VMP1: variants seen among roughly 807,000 people sequenced by gnomAD.
The protein encoded by VMP1 is ectopic P-granules autophagy protein 3 homolog.
Under a neutral mutation model 56.0 loss-of-function variants are expected in VMP1, and 11 were observed. The ratio of observed to expected loss-of-function variants is 0.20; its 90% CI spans 0.12 to 0.32. The LOEUF is 0.32. VMP1 is among the 10% of genes least tolerant of loss of function. VMP1 has a pLI of 1.00. For missense variants in VMP1, 296 were observed against 490.3 expected (o/e 0.60, Z 3.74); for synonymous variants, 149 against 165.0 (o/e 0.90, Z 0.74).
intron 5 of VMP1, among the ~76,000 whole-genome samples, chr17:59,761,202 A>G (rs989345461): frequency 2.4e-4 from 37 of 152,268 alleles, no homozygotes; most frequent in Admixed American, 5.2e-4. Context: ...CACCCAGCCC[A>G]TGTGTTTTAT....
At chr17:59,715,402 G>C (rs1256360489) in intron 1 of VMP1, among the ~76,000 whole-genome samples, 2 of 152,156 alleles carry the variant, frequency 1.3e-5, no homozygotes, top group African/African-American at 4.8e-5. Context: ...CAGCAGAAGA[G>C]AAAATAGTGT....
intron 7 of VMP1, among the ~76,000 whole-genome samples, chr17:59,779,024 T>A (rs1462834524): frequency 6.6e-6 from 1 of 152,226 alleles, no homozygotes; most frequent in African/African-American, 2.4e-5. Flanking sequence ...AATGTAAGTC[T>A]TCTGAGCATG....
chr17:59,777,797 C>T (rs1431115403), intron 7 of VMP1, among the ~76,000 whole-genome samples: 2 of 151,484 alleles, frequency 1.3e-5, no homozygotes, highest in Non-Finnish European at 2.9e-5. Context: ...CTGGGCGACA[C>T]AGCAAGACTC....
At position 59,778,490 on chromosome 17, in the gene VMP1, C is replaced by T. The variant is rs184011752; in HGVS notation, c.714+4605C>T. Among the ~76,000 whole-genome samples the T allele has an allele frequency of 1.7e-4, 26 of 151,410 alleles. 1 individual carries two copies. The highest frequency in any genetic ancestry group is 6.1e-4 in the African/African-American group (25 of 41,234). On this transcript the variant is annotated intron_variant, in intron 7 of 11. Coordinates refer to ENST00000262291, the MANE Select transcript of VMP1 (RefSeq NM_030938.5). ...CCTGGGAGGTGGAGCTTGCAGTGAG[C>T]CGAGATCGCACCACTGCACTCCAGC...
intron 7 of VMP1, among the ~76,000 whole-genome samples, chr17:59,807,177 C>A (rs894208737): frequency 2.0e-5 from 3 of 151,418 alleles, no homozygotes; most frequent in African/African-American, 4.8e-5. Flanking sequence ...ATAGATCTGT[C>A]CAGCTTCTTT....
chr17:59,784,030 GT>G (rs988342888), intron 7 of VMP1, among the ~76,000 whole-genome samples: 44 of 151,238 alleles, frequency 2.9e-4, no homozygotes, highest in African/African-American at 1.1e-3. Flanking sequence ...CCCTTTAACA[GT>G]TTTTTATCCT....
chr17:59,718,398 A>G (rs1188397239), intron 1 of VMP1, among the ~76,000 whole-genome samples: 1 of 151,066 alleles, frequency 6.6e-6, no homozygotes, highest in African/African-American at 2.4e-5. Flanking sequence ...GGGTTTCACC[A>G]TGTTAGCCAG....
At chr17:59,753,195 G>GA (rs1022984810) in intron 5 of VMP1, among the ~76,000 whole-genome samples, 1 of 151,824 alleles carries the variant, frequency 6.6e-6, no homozygotes, top group African/African-American at 2.4e-5. Flanking sequence ...GCCAAGGTTG[G>GA]AAAATCACTT....
intron 7 of VMP1, among the ~76,000 whole-genome samples, chr17:59,783,528 G>A (rs950217373): frequency 1.3e-5 from 2 of 152,160 alleles, no homozygotes; most frequent in African/African-American, 2.4e-5. Flanking sequence ...GGTCTAGATA[G>A]CTGTTTATGT....
At chr17:59,792,944 G>A (rs2037296748) in intron 7 of VMP1, among the ~76,000 whole-genome samples, 1 of 66,420 alleles carries the variant, frequency 1.5e-5, no homozygotes, top group African/African-American at 3.4e-5. Flanking sequence ...CAGCACTTTG[G>A]GAGGCTGAGG....
intron 7 of VMP1, among the ~76,000 whole-genome samples, chr17:59,782,876 C>T (rs2036873563): frequency 6.6e-6 from 1 of 152,060 alleles, no homozygotes; most frequent in Non-Finnish European, 1.5e-5. Flanking sequence ...ATGTGCTTTC[C>T]AACTAGGTTA....
At position 59,801,101 on chromosome 17, in the gene VMP1, T is replaced by A. The variant is rs1211941780; in HGVS notation, c.715-7695T>A. 6.2e-4 allele frequency among the ~76,000 whole-genome samples: 81 copies of A among 129,988 alleles called. 3 individuals are homozygous for A. Among genetic ancestry groups the A allele is most frequent in the African/African-American group, 2.8e-3 (79 of 28,298 alleles). The allele number at this position is 129,988 out of a possible 152,430, so 85.3% of individuals were successfully genotyped here. A position where few individuals can be genotyped will look rare whatever the true frequency, so the allele number is the denominator to read the frequency against. On this transcript the variant is annotated intron_variant, in intron 7 of 11. Transcript: ENST00000262291. Reference sequence around the variant, plus strand: ...TCTCGAAAAAAAAAAAATATATATATATATATATATATGTGTGTGTGTGTG... The same window carrying A: ...TCTCGAAAAAAAAAAAATATATATAAATATATATATATGTGTGTGTGTGTG...
intron 4 of VMP1, among the ~76,000 whole-genome samples, chr17:59,737,910 C>T (rs759423757): frequency 6.6e-6 from 1 of 152,182 alleles, no homozygotes; most frequent in Non-Finnish European, 1.5e-5. Context: ...GCTGGGATTA[C>T]AGGCACCTGC....
At chr17:59,817,608 A>G (rs1598436785) in intron 9 of VMP1, 104 bp from the exon 10 acceptor site, 2 of 739,430 alleles carry the variant, frequency 2.7e-6, no homozygotes, top group African/African-American at 1.8e-5. Context: ...AAAAATTGCA[A>G]TTAGGGGCAC....
intron 7 of VMP1, among the ~76,000 whole-genome samples, chr17:59,798,949 C>T (rs1046992616): frequency 6.6e-6 from 1 of 152,162 alleles, no homozygotes; most frequent in Admixed American, 6.5e-5. Context: ...TTTCACACCG[C>T]ATTTTAATTT....
Position 59,811,796 on chromosome 17 carries a change from C to T in VMP1, c.912+10C>T, listed in dbSNP as rs2038058753. ...AAAAATGCATATCCAGGTAATTATA[C>T]CCCCTGATTCACTGCCTAATGATGA... is the stretch of plus-strand genomic sequence containing the variant. On this transcript the variant is annotated intron_variant, in intron 9 of 11. Coordinates refer to ENST00000262291, the MANE Select transcript of VMP1 (RefSeq NM_030938.5). 1 of 1,527,348 alleles carries T rather than the reference C, an allele frequency of 6.5e-7. No individual in the cohort carries two copies. Among genetic ancestry groups the T allele is most frequent in the South Asian group, 1.1e-5 (1 of 89,126 alleles). The allele number at this position is 1,527,348 out of a possible 1,614,324, so 94.6% of individuals were successfully genotyped here.
At chr17:59,794,517 A>ATTT (rs71145572) in intron 7 of VMP1, among the ~76,000 whole-genome samples, 4 of 43,112 alleles carry the variant, frequency 9.3e-5, no homozygotes, top group African/African-American at 3.5e-4. Context: ...CGCGCCCTGC[A>ATTT]TTTTTTTTTT....
At chr17:59,757,347 T>C (rs1042929907) in intron 5 of VMP1, among the ~76,000 whole-genome samples, 1 of 152,118 alleles carries the variant, frequency 6.6e-6, no homozygotes, top group African/African-American at 2.4e-5. Flanking sequence ...AATTCTAAGT[T>C]TCTCTTAATT....
intron 6 of VMP1, among the ~76,000 whole-genome samples, chr17:59,767,620 GA>G (rs1216227697): frequency 5.9e-5 from 9 of 152,110 alleles, no homozygotes; most frequent in East Asian, 1.9e-4. Flanking sequence ...GCCAACAAAT[GA>G]AAACCACTAT....
Sources: allele counts gnomAD v4.1 joint callset (sites outside exome capture counted in the v4.1 genomes callset), GRCh38; gene constraint gnomAD v4.1.1; transcripts MANE v1.5; gene names NCBI Gene and HGNC (gene_info 2026-07-23, HGNC 2026-07-21).